Variants in KLRK1 observed in about 807,000 individuals in gnomAD.
KLRK1 encodes the protein NKG2-D type II integral membrane protein.
In KLRK1, 40 loss-of-function variants were observed where a neutral mutation model predicts 31.3. That is an observed-to-expected ratio of 1.28 (90% CI 0.99 to 1.67). The LOEUF is 1.67. KLRK1 is among the 40% of genes most tolerant of loss of function. The probability of loss-of-function intolerance (pLI) is 0.00; values close to 1 mark genes in which losing one functional copy is unlikely to be tolerated. For synonymous variants in KLRK1, 77 were observed against 77.3 expected (o/e 1.00, Z 0.02); for missense variants, 251 against 260.0 (o/e 0.97, Z 0.24).
intron 7 of KLRK1, among the ~76,000 whole-genome samples, chr12:10,377,172 TTC>T (rs1862982797): frequency 6.6e-6 from 1 of 152,200 alleles, no homozygotes. Flanking sequence ...GTGAAGCAAC[TTC>T]TCTGTCAGAT....
chr12:10,383,964 TAACA>T (rs1203200871), intron 3 of KLRK1, among the ~76,000 whole-genome samples: 1 of 152,016 alleles, frequency 6.6e-6, no homozygotes, highest in African/African-American at 2.4e-5. Flanking sequence ...TATACACCAA[TAACA>T]AACTGGATGA....
chr12:10,383,618 C>T (rs1231659321), intron 3 of KLRK1, among the ~76,000 whole-genome samples: 2 of 151,970 alleles, frequency 1.3e-5, no homozygotes, highest in Admixed American at 6.6e-5. Context: ...ATAAAAGAAA[C>T]ATCAGAGTAA....
chr12:10,386,950 C>T lies in KLRK1; in HGVS notation c.101G>A (p.Trp34Ter), dbSNP rs550164323. 80 of 1,611,390 alleles carry T rather than the reference C, an allele frequency of 5.0e-5. 2 individuals carry two copies. The South Asian group carries it at 8.6e-4, about 17-fold the overall frequency. ...DLKKSDFSTR[W>*]QKQRCPVVKS... ...GACTACTGGACATCTTTGCTTTTGC[C>T]ATCGTGTTGAAAAATCACTCTTCTT... The change falls in exon 3 of 8, where the codon TGG becomes TAG. Residue 34 changes from tryptophan to a stop codon, truncating the protein, a stop_gained. Transcript: ENST00000240618. LOFTEE classifies it high-confidence loss of function.
chr12:10,378,079 GA>G, intron 7 of KLRK1, 52 bp downstream of exon 7: 1 of 1,536,460 alleles, frequency 6.5e-7, no homozygotes, highest in Middle Eastern at 1.7e-4. Context: ...TTATTACAGG[GA>G]AAACTTAGGA....
rs138667604 is a variant in KLRK1, at chr12:10,386,110, C to T, written c.148+793G>A. On this transcript the variant is annotated intron_variant, in intron 3 of 7. Coordinates refer to ENST00000240618, the MANE Select transcript of KLRK1 (RefSeq NM_007360.4). Reference sequence around the variant, plus strand: ...AACTCTGGACAGATCTAATTTTTGACGGACTGTCAATTTTTTTTTCCAGTG... The same window carrying T: ...AACTCTGGACAGATCTAATTTTTGATGGACTGTCAATTTTTTTTTCCAGTG... 5.9e-4 allele frequency among the ~76,000 whole-genome samples: 89 copies of T among 151,606 alleles called. 1 individual carries two copies. The highest frequency in any genetic ancestry group is 5.2e-3 in the South Asian group (25 of 4,804).
chr12:10,380,811 G>T (rs1471817751), intron 3 of KLRK1, among the ~76,000 whole-genome samples: 1 of 152,126 alleles, frequency 6.6e-6, no homozygotes, highest in African/African-American at 2.4e-5. Context: ...TCACACTGGG[G>T]TCCCTCCTCT....
intron 7 of KLRK1, 132 bp from the exon 8 acceptor site, chr12:10,373,363 C>CA: frequency 9.9e-6 from 6 of 603,742 alleles, no homozygotes; most frequent in Non-Finnish European, 1.6e-5. Flanking sequence ...ATGCCTGGTC[C>CA]TAATTCATAA....
At chr12:10,384,439 A>G (rs986514349) in intron 3 of KLRK1, among the ~76,000 whole-genome samples, 7 of 152,054 alleles carry the variant, frequency 4.6e-5, no homozygotes, top group African/African-American at 1.7e-4. Flanking sequence ...CAACCCAGGA[A>G]TAAATCCATG....
intron 7 of KLRK1, among the ~76,000 whole-genome samples, chr12:10,375,144 A>C (rs1862940471): frequency 6.6e-6 from 1 of 152,204 alleles, no homozygotes; most frequent in Admixed American, 6.5e-5. Flanking sequence ...GAAGGAAGGT[A>C]GGGAGTTCTT....
Position 10,373,191 on chromosome 12 carries a change from A to G in KLRK1, c.574T>C (p.Tyr192His), listed in dbSNP as rs1294916569. 1 of 1,611,512 alleles carries G rather than the reference A, an allele frequency of 6.2e-7. No homozygotes were observed. Among genetic ancestry groups the G allele is most frequent in the African/African-American group, 1.3e-5 (1 of 74,776 alleles). ...ATATAGCCTTTAAAGCTCGAGGCAT[A>G]GAGTGCACAGTCTCCCTTCTGCATT... ...IEMQKGDCAL[Y>H]ASSFKGYIEN... is the part of the protein sequence containing the mutation. Residue 192 changes from tyrosine (Y) to histidine (H), a missense_variant, in exon 8 of 8, where the codon TAT becomes CAT. Tyr to His is a moderately conservative substitution (Grantham distance 83, BLOSUM62 2). Coordinates refer to ENST00000240618, the MANE Select transcript of KLRK1 (RefSeq NM_007360.4).
rs1351815535 is a variant in KLRK1 at position 10,382,900 on chromosome 12, TCTTTG to T, written c.149-3113_149-3109del. On this transcript the variant is annotated intron_variant, in intron 3 of 7. Coordinates refer to ENST00000240618, the MANE Select transcript of KLRK1 (RefSeq NM_007360.4). Reference sequence around the variant, plus strand: ...GTTTTTTCTTTTGTTGTTTTGTTTTTCTTTGCTTTGTGATCAAAGTTAAGCTGTCA... The same window carrying T: ...GTTTTTTCTTTTGTTGTTTTGTTTTTCTTTGTGATCAAAGTTAAGCTGTCA... 3.3e-5 allele frequency among the ~76,000 whole-genome samples: 5 copies of T among 152,344 alleles called. No individual in the cohort carries two copies. The East Asian group carries it at 5.8e-4, about 18-fold the overall frequency.
At position 10,373,227 on chromosome 12, in the gene KLRK1, T is replaced by G; in HGVS notation, c.538A>C (p.Thr180Pro). The change falls in exon 8 of 8, where the codon ACA becomes CCA. Residue 180 changes from threonine to proline, a missense_variant. Coordinates refer to ENST00000240618, the MANE Select transcript of KLRK1 (RefSeq NM_007360.4). ...TCTCCCTTCTGCATTTCAATTATTG[T>G]TAGTCTAGAGGAGAGACAATTACAA... is the stretch of plus-strand genomic sequence containing the variant. ...DGSILSPNLL[T>P]IIEMQKGDCA... is the part of the protein sequence containing the mutation. The G allele has an allele frequency of 6.3e-7, 1 of 1,593,582 alleles. No individual in the cohort carries two copies. The highest frequency in any genetic ancestry group is 8.5e-7 in the Non-Finnish European group (1 of 1,174,394).
intron 2 of KLRK1, 101 bp downstream of exon 2, chr12:10,388,670 A>G: frequency 1.6e-6 from 2 of 1,275,094 alleles, no homozygotes; most frequent in South Asian, 1.3e-5. Flanking sequence ...GAAAAGAATC[A>G]GAGTAAATTG....
intron 2 of KLRK1, 109 bp from the exon 3 acceptor site, chr12:10,387,119 T>C (rs1290651388): frequency 1.4e-6 from 1 of 702,880 alleles, no homozygotes; most frequent in African/African-American, 1.8e-5. Flanking sequence ...CCCCTGACTA[T>C]CCTTTTTAAA....
chr12:10,386,337 C>T (rs1433646077), intron 3 of KLRK1, among the ~76,000 whole-genome samples: 4 of 151,940 alleles, frequency 2.6e-5, no homozygotes, highest in Non-Finnish European at 4.4e-5. Flanking sequence ...CTTTGCATTC[C>T]TTAAATTAAT....
intron 1 of KLRK1, 23 bp downstream of exon 1, chr12:10,389,920 C>T (rs942703154): frequency 1.3e-5 from 2 of 151,980 alleles, no homozygotes; most frequent in African/African-American, 4.8e-5. Flanking sequence ...AATAAACACA[C>T]ACACATACAC....
At chr12:10,384,489 C>T (rs1239496442) in intron 3 of KLRK1, among the ~76,000 whole-genome samples, 2 of 151,874 alleles carry the variant, frequency 1.3e-5, no homozygotes, top group East Asian at 3.9e-4. Context: ...TCACCAATAA[C>T]ATACACTGGG....
chr12:10,381,272 T>G (rs1405230101), intron 3 of KLRK1, among the ~76,000 whole-genome samples: 1 of 150,640 alleles, frequency 6.6e-6, no homozygotes, highest in African/African-American at 2.4e-5. Context: ...AAAAAATACC[T>G]CCTCCCAAAC....
intron 2 of KLRK1, among the ~76,000 whole-genome samples, chr12:10,387,525 TC>T (rs1420080445): frequency 6.6e-6 from 1 of 151,314 alleles, no homozygotes; most frequent in Non-Finnish European, 1.5e-5. Context: ...ATAACATCAA[TC>T]ATTTAGTAAG....
Sources: gnomAD v4.1 joint callset for allele counts (sites outside exome capture counted in the v4.1 genomes callset) on GRCh38, gnomAD v4.1.1 for gene constraint, MANE v1.5 for transcripts, NCBI Gene and HGNC (gene_info 2026-07-23, HGNC 2026-07-21) for gene names.